The following AKAP13 variants were observed in gnomAD, a reference collection of about 807,000 sequenced individuals.
The protein encoded by AKAP13 is A-kinase anchor protein 13.
In AKAP13, 80 loss-of-function variants were observed where a neutral mutation model predicts 264.5. The ratio of observed to expected loss-of-function variants is 0.30; its 90% CI spans 0.25 to 0.36. The LOEUF (loss-of-function observed/expected upper bound fraction) is 0.36, where lower values mean the gene tolerates loss of function less well. Ranked by LOEUF, AKAP13 falls within the 10% of genes least tolerant of loss-of-function variation. AKAP13 has a pLI of 1.00. For synonymous variants in AKAP13, 1,380 were observed against 1,250.2 expected, an observed-to-expected ratio of 1.10 and a Z score of -2.19; for missense variants, 3,712 against 3,435.2, an observed-to-expected ratio of 1.08 and a Z score of -2.01.
intron 3 of AKAP13, among the ~76,000 whole-genome samples, chr15:85,524,620 A>G (rs916860908): frequency 2.6e-5 from 4 of 152,212 alleles, no homozygotes; most frequent in African/African-American, 7.2e-5. Flanking sequence ...TTAACCTTCA[A>G]AAGGCAGCAC....
intron 3 of AKAP13, among the ~76,000 whole-genome samples, chr15:85,523,968 G>A (rs868462341): frequency 6.6e-6 from 1 of 152,156 alleles, no homozygotes; most frequent in African/African-American, 2.4e-5. Flanking sequence ...GATTAGTCAA[G>A]AATCTGCATG....
intron 2 of AKAP13, among the ~76,000 whole-genome samples, chr15:85,501,511 G>A (rs2076036838): frequency 6.6e-6 from 1 of 152,220 alleles, no homozygotes; most frequent in Non-Finnish European, 1.5e-5. Context: ...TTTGTATGCA[G>A]TAGAGGTTGG....
chr15:85,533,976 T>C, intron 4 of AKAP13, 96 bp downstream of exon 4: 1 of 1,310,734 alleles, frequency 7.6e-7, no homozygotes, highest in Middle Eastern at 2.0e-4. Context: ...CATATTCAGG[T>C]CTTCCACAGA....
At chr15:85,389,235 C>G (rs2070736722) in intron 1 of AKAP13, among the ~76,000 whole-genome samples, 1 of 152,200 alleles carries the variant, frequency 6.6e-6, no homozygotes, top group African/African-American at 2.4e-5. Flanking sequence ...CCCTCCTCTT[C>G]TCTCGTACTC....
At chr15:85,674,682 G>C (rs930994475) in intron 14 of AKAP13, among the ~76,000 whole-genome samples, 12 of 152,146 alleles carry the variant, frequency 7.9e-5, no homozygotes, top group Admixed American at 6.5e-5. Context: ...ATCTGTACCA[G>C]ATCTTTAAAA....
At chr15:85,437,644 G>T (rs930502387) in intron 1 of AKAP13, among the ~76,000 whole-genome samples, 4 of 152,000 alleles carry the variant, frequency 2.6e-5, no homozygotes, top group African/African-American at 9.7e-5. Context: ...GCTTCATCCC[G>T]GGATGCAAGG....
At chr15:85,654,956 C>T (rs2083030658) in intron 10 of AKAP13, among the ~76,000 whole-genome samples, 2 of 152,162 alleles carry the variant, frequency 1.3e-5, no homozygotes, top group Non-Finnish European at 2.9e-5. Flanking sequence ...TTTTGGGAGG[C>T]TGAGGTGGGT....
chr15:85,517,358 T>C (rs2076643927), intron 2 of AKAP13, among the ~76,000 whole-genome samples: 2 of 151,878 alleles, frequency 1.3e-5, no homozygotes, highest in Non-Finnish European at 2.9e-5. Flanking sequence ...CACTTTTTTT[T>C]TTCCCCCCAT....
Position 85,723,189 on chromosome 15 carries a change from A to G in AKAP13, c.6614A>G (p.Tyr2205Cys). The G allele has an allele frequency of 6.2e-7, 1 of 1,614,206 alleles. No homozygotes were observed. The change falls in exon 26 of 37, where the codon TAT becomes TGT. Residue 2205 changes from tyrosine to cysteine, a missense_variant. By Grantham distance (194) the Tyr-to-Cys change is radical. Around this residue, in one of 3 missense-constraint regions of AKAP13, gnomAD observed 342 missense variants for 484.3 expected, o/e 0.71. Transcript: ENST00000394518. The stretch of plus-strand genomic sequence containing the variant: ...AAGAAAGTGCGTCTCAATGAGATTT[A>G]TACAAAGACAGATAGCAAGTCAATC... Reference protein sequence around the residue: ...YEKKVRLNEIYTKTDSKSIMR... With the variant: ...YEKKVRLNEICTKTDSKSIMR...
At chr15:85,593,254 G>T (rs1233321835) in intron 8 of AKAP13, among the ~76,000 whole-genome samples, 1 of 152,146 alleles carries the variant, frequency 6.6e-6, no homozygotes, top group Non-Finnish European at 1.5e-5. Flanking sequence ...GGAGGTTGCA[G>T]TGAGCCAAGA....
intron 1 of AKAP13, among the ~76,000 whole-genome samples, chr15:85,386,592 CT>C (rs1567032092): frequency 6.6e-6 from 1 of 152,062 alleles, no homozygotes; most frequent in Non-Finnish European, 1.5e-5. Flanking sequence ...CCCGGCTCGC[CT>C]AGAAGTTTTA....
intron 14 of AKAP13, among the ~76,000 whole-genome samples, chr15:85,673,816 G>T (rs1270635813): frequency 6.6e-6 from 1 of 150,906 alleles, no homozygotes; most frequent in Non-Finnish European, 1.5e-5. Flanking sequence ...CTCCCGAGTA[G>T]CTGGGACTAC....
chr15:85,451,166 G>A lies in AKAP13; in HGVS notation c.-11-34544G>A, dbSNP rs1356314857. Among the ~76,000 whole-genome samples the A allele has an allele frequency of 3.3e-5, 5 of 152,098 alleles. No homozygotes were observed. The East Asian group carries it at 9.6e-4, about 29-fold the overall frequency. The stretch of plus-strand genomic sequence containing the variant: ...TTGGAGTCTGTTTTGTTTGAAATTA[G>A]GATTGCAACCTTTTTTGTGTTTCCC... On this transcript the variant is annotated intron_variant, in intron 1 of 36. Transcript: ENST00000394518.
Position 85,514,691 on chromosome 15 carries a change from A to G in AKAP13, c.34-6737A>G, listed in dbSNP as rs1291941586. On this transcript the variant is annotated intron_variant, in intron 2 of 36. Coordinates refer to ENST00000394518, the MANE Select transcript of AKAP13 (RefSeq NM_007200.5). ...ATGCCATGACTTTGCCTTTTAGCCTATGGAAAAGTTGTAGCTACCTGTCAG... is the reference window on the plus strand; with the variant it reads ...ATGCCATGACTTTGCCTTTTAGCCTGTGGAAAAGTTGTAGCTACCTGTCAG... Among the ~76,000 whole-genome samples the G allele has an allele frequency of 3.6e-5, 5 of 138,184 alleles. 1 individual carries two copies. The South Asian group carries it at 6.6e-4, about 18-fold the overall frequency. The allele number at this position is 138,184 out of a possible 152,430, so 90.7% of individuals were successfully genotyped here.
intron 6 of AKAP13, among the ~76,000 whole-genome samples, chr15:85,576,577 A>G (rs1261592724): frequency 6.6e-6 from 1 of 152,218 alleles, no homozygotes; most frequent in Non-Finnish European, 1.5e-5. Flanking sequence ...AGTTTATTTC[A>G]GAGCTGATTT....
intron 22 of AKAP13, 27 bp from the exon 23 acceptor site, chr15:85,719,049 G>T: frequency 6.2e-7 from 1 of 1,611,052 alleles, no homozygotes; most frequent in South Asian, 1.1e-5. Flanking sequence ...GAGTGTTCCT[G>T]ACACTTGATC....
chr15:85,568,949 C>T (rs1196637253), intron 5 of AKAP13, among the ~76,000 whole-genome samples: 1 of 152,098 alleles, frequency 6.6e-6, no homozygotes, highest in Non-Finnish European at 1.5e-5. Context: ...CCAGGTAATT[C>T]AGTCAAAGTC....
chr15:85,729,735 G>A (rs1411292589), intron 29 of AKAP13, among the ~76,000 whole-genome samples: 3 of 152,006 alleles, frequency 2.0e-5, no homozygotes, highest in South Asian at 2.1e-4. Flanking sequence ...TCTGGAGTTC[G>A]AGACCAGCCT....
At chr15:85,536,270 A>G (rs1307245667) in intron 4 of AKAP13, 1 of 152,246 alleles carries the variant, frequency 6.6e-6, no homozygotes, top group Non-Finnish European at 1.5e-5. Context: ...AAGGAAATAC[A>G]TATTAAAACC....
Sources: allele counts gnomAD v4.1 joint callset (sites outside exome capture counted in the v4.1 genomes callset), GRCh38; gene constraint gnomAD v4.1.1; regional missense constraint gnomAD v4.1.1; transcripts MANE v1.5; gene names NCBI Gene and HGNC (gene_info 2026-07-23, HGNC 2026-07-21).